Variants in ICE2 observed in about 807,000 individuals in gnomAD.
The protein encoded by ICE2 is interactor of little elongation complex ELL subunit 2.
In ICE2, 87 loss-of-function variants were observed where a neutral mutation model predicts 105.4. The observed-to-expected ratio is 0.83, with a 90% CI of 0.69 to 0.99. The LOEUF (loss-of-function observed/expected upper bound fraction) is 0.99, where lower values mean the gene tolerates loss of function less well. Among genes scored for constraint, ICE2 ranks in the 50% least tolerant of loss-of-function variants. The probability of loss-of-function intolerance (pLI) is 0.00; values close to 1 mark genes in which losing one functional copy is unlikely to be tolerated. For synonymous variants in ICE2, 399 were observed against 392.0 expected (o/e 1.02, Z -0.21); for missense variants, 1,323 against 1,146.7 (o/e 1.15, Z -2.22).
At chr15:60,441,728 A>C (rs2063724830) in intron 12 of ICE2, 1 of 152,234 alleles carries the variant, frequency 6.6e-6, no homozygotes, top group Non-Finnish European at 1.5e-5. Flanking sequence ...AATACTACCA[A>C]TAATGACTAG....
chr15:60,444,199 A>G (rs765403022), intron 11 of ICE2, among the ~76,000 whole-genome samples: 1 of 152,188 alleles, frequency 6.6e-6, no homozygotes, highest in African/African-American at 2.4e-5. Context: ...ACATTTCTGG[A>G]TTAGAAATGG....
intron 3 of ICE2, among the ~76,000 whole-genome samples, chr15:60,472,392 T>G (rs1292256350): frequency 6.6e-6 from 1 of 152,144 alleles, no homozygotes; most frequent in Non-Finnish European, 1.5e-5. Flanking sequence ...TTACAGCAAT[T>G]AAGAATTATT....
At chr15:60,451,431 T>C in intron 9 of ICE2, 6 of 972,494 alleles carry the variant, frequency 6.2e-6, no homozygotes, top group Non-Finnish European at 7.3e-6. Context: ...TAGATATCAT[T>C]AAGAAAAATG....
chr15:60,472,678 A>C (rs1457747693), intron 3 of ICE2, among the ~76,000 whole-genome samples: 2 of 152,176 alleles, frequency 1.3e-5, no homozygotes, highest in African/African-American at 4.8e-5. Flanking sequence ...GCTGAACAGA[A>C]GTGGACTTGA....
Position 60,449,418 on chromosome 15 carries a change from C to T in ICE2, c.1549G>A (p.Glu517Lys), listed in dbSNP as rs2063906099. The T allele has an allele frequency of 4.3e-6, 7 of 1,613,808 alleles. 1 individual carries two copies. The change falls in exon 10 of 16, where the codon GAA becomes AAA. Residue 517 changes from glutamate to lysine, a missense_variant. By Grantham distance (56) the Glu-to-Lys change is moderately conservative (BLOSUM62 1). Coordinates refer to ENST00000261520, the MANE Select transcript of ICE2 (RefSeq NM_024611.6). ...GAAGTTTCAATTTCCTGAGAATTTT[C>T]TAACTGTAAGGCATCAGATGTTTTC... ...DLKTSDALQLENSQEIETSNK... is the reference protein window; with the variant it reads ...DLKTSDALQLKNSQEIETSNK...
Position 60,447,894 on chromosome 15 carries a change from C to G in ICE2, c.2295+76G>C. 3 of 1,236,384 alleles carry G rather than the reference C, an allele frequency of 2.4e-6. No homozygotes were observed. The South Asian group carries it at 4.4e-5, about 18-fold the overall frequency. The allele number at this position is 1,236,384 out of a possible 1,614,324, so 76.6% of individuals were successfully genotyped here. ...TACTATGAGTGCTCAACAATTTAAA[C>G]TTCACAGTAATGGCATGTTAAGTAT... On this transcript the variant is annotated intron_variant, in intron 11 of 15. Coordinates refer to ENST00000261520, the MANE Select transcript of ICE2 (RefSeq NM_024611.6).
At chr15:60,458,028 T>C (rs868390317) in intron 5 of ICE2, among the ~76,000 whole-genome samples, 2 of 152,140 alleles carry the variant, frequency 1.3e-5, no homozygotes, top group Non-Finnish European at 2.9e-5. Flanking sequence ...GTGGTGGATG[T>C]TAGTGTTTTT....
Position 60,449,064 on chromosome 15 carries a change from T to C in ICE2, c.1903A>G (p.Ile635Val), listed in dbSNP as rs139046429. Residue 635 changes from isoleucine (I) to valine (V), a missense_variant, in exon 10 of 16, where the codon ATC (isoleucine) becomes GTC (valine). Coordinates refer to ENST00000261520, the MANE Select transcript of ICE2 (RefSeq NM_024611.6). ...PEESCVLKKP[I>V]KRVYKKFDPV... Reference sequence around the variant, plus strand: ...TCAAATTTTTTATATACTCGTTTGATAGGTTTTTTTAAAACACATGACTCT... The same window carrying C: ...TCAAATTTTTTATATACTCGTTTGACAGGTTTTTTTAAAACACATGACTCT... The C allele has an allele frequency of 1.5e-5, 24 of 1,613,372 alleles. No homozygotes were observed. In the African/African-American group the frequency reaches 2.9e-4, roughly 20 times the overall value.
At chr15:60,454,358 A>G (rs1171873500) in intron 8 of ICE2, among the ~76,000 whole-genome samples, 6 of 152,084 alleles carry the variant, frequency 3.9e-5, no homozygotes, top group Non-Finnish European at 8.8e-5. Flanking sequence ...GAACAAGTAA[A>G]TAAGTCATAA....
chr15:60,435,515 C>T (rs935610850), intron 13 of ICE2, among the ~76,000 whole-genome samples: 6 of 151,874 alleles, frequency 4.0e-5, no homozygotes, highest in Admixed American at 3.3e-4. Context: ...AGGAGAATCG[C>T]TTGAACCCAG....
chr15:60,470,778 T>A (rs1266362328), intron 3 of ICE2, among the ~76,000 whole-genome samples: 2 of 152,146 alleles, frequency 1.3e-5, no homozygotes, highest in Admixed American at 1.3e-4. Context: ...AGTCTATGAG[T>A]TTAAATATTA....
chr15:60,473,277 TGA>T (rs891370955), intron 3 of ICE2, among the ~76,000 whole-genome samples: 27 of 151,412 alleles, frequency 1.8e-4, no homozygotes, highest in African/African-American at 5.1e-4. Flanking sequence ...AGTGAGTGAG[TGA>T]GAGAGAGAGA....
intron 14 of ICE2, among the ~76,000 whole-genome samples, chr15:60,430,935 C>T (rs982136581): frequency 2.6e-5 from 4 of 152,018 alleles, no homozygotes; most frequent in African/African-American, 9.7e-5. Flanking sequence ...AGTGCAGTGG[C>T]ACATCTCAGC....
At chr15:60,426,297 G>A (rs1364044527) in intron 15 of ICE2, among the ~76,000 whole-genome samples, 2 of 152,064 alleles carry the variant, frequency 1.3e-5, no homozygotes, top group African/African-American at 4.8e-5. Flanking sequence ...CCTTGTCTAC[G>A]TTTAGATATC....
chr15:60,467,310 T>C (rs2064459015), intron 4 of ICE2, among the ~76,000 whole-genome samples: 1 of 152,042 alleles, frequency 6.6e-6, no homozygotes, highest in Admixed American at 6.6e-5. Flanking sequence ...AACGAGCAAA[T>C]AATATAAATA....
At chr15:60,463,737 T>A (rs2064344020) in intron 5 of ICE2, among the ~76,000 whole-genome samples, 1 of 152,132 alleles carries the variant, frequency 6.6e-6, no homozygotes, top group African/African-American at 2.4e-5. Context: ...GCCATTGCAC[T>A]CTAGCCTGGG....
chr15:60,440,170 T>C (rs1356766193), intron 12 of ICE2: 4 of 152,218 alleles, frequency 2.6e-5, no homozygotes, highest in Admixed American at 1.3e-4. Flanking sequence ...GACTGGTCAC[T>C]GATCATGATT....
At chr15:60,463,104 C>T (rs1266364344) in intron 5 of ICE2, among the ~76,000 whole-genome samples, 5 of 152,060 alleles carry the variant, frequency 3.3e-5, no homozygotes, top group Admixed American at 6.5e-5. Context: ...GTATTGTGAG[C>T]ATATGTAGAG....
At chr15:60,475,563 T>C (rs376624038) in intron 3 of ICE2, among the ~76,000 whole-genome samples, 1 of 152,142 alleles carries the variant, frequency 6.6e-6, no homozygotes, top group Non-Finnish European at 1.5e-5. Flanking sequence ...ATGCAACCAT[T>C]AAGATTGAAC....
Sources: gnomAD v4.1 joint callset for allele counts (sites outside exome capture counted in the v4.1 genomes callset) on GRCh38, gnomAD v4.1.1 for gene constraint, MANE v1.5 for transcripts, NCBI Gene and HGNC (gene_info 2026-07-23, HGNC 2026-07-21) for gene names.